The following C12orf42 variants were observed in gnomAD, a reference collection of about 807,000 sequenced individuals.
The protein encoded by C12orf42 is uncharacterized protein C12orf42.
In C12orf42, 25 loss-of-function variants were observed where a neutral mutation model predicts 21.6. The observed-to-expected ratio is 1.16, with a 90% CI of 0.84 to 1.62. C12orf42 has a LOEUF of 1.62. Ranked by LOEUF, C12orf42 falls within the 40% of genes most tolerant of loss-of-function variation. The pLI, the probability that C12orf42 is intolerant of heterozygous loss-of-function variation, is 0.00. For missense variants in C12orf42, 483 were observed against 459.3 expected, an observed-to-expected ratio of 1.05 and a Z score of -0.47; for synonymous variants, 174 against 175.0, an observed-to-expected ratio of 0.99 and a Z score of 0.05.
the C12orf42 span, among the ~76,000 whole-genome samples, chr12:103,142,261 AAGT>A: frequency 2.0e-5 from 3 of 152,212 alleles, no homozygotes; most frequent in Admixed American, 6.5e-5. Context: ...ATTTTGCCCA[AAGT>A]AGATTTTACT....
chr12:103,061,165 A>G, the C12orf42 span, among the ~76,000 whole-genome samples: 1 of 152,084 alleles, frequency 6.6e-6, no homozygotes, highest in South Asian at 2.1e-4. Context: ...TGGTGGAGGT[A>G]GGAGTGTCTC....
chr12:103,255,978 G>A (rs1353642457), intron 10 of C12orf42, among the ~76,000 whole-genome samples: 111 of 142,504 alleles, frequency 7.8e-4, no homozygotes, highest in African/African-American at 2.8e-3. Flanking sequence ...GCGTGAACCC[G>A]GGAGGTGGAG....
chr12:103,245,436 C>T (rs574599097), intron 10 of C12orf42, among the ~76,000 whole-genome samples: 3 of 152,034 alleles, frequency 2.0e-5, no homozygotes, highest in Non-Finnish European at 4.4e-5. Flanking sequence ...GGAGTAATCA[C>T]AGGCAAGTCA....
the C12orf42 span, chr12:103,505,040 A>G: frequency 1.5e-5 from 4 of 275,530 alleles, no homozygotes; most frequent in Admixed American, 7.5e-5. Flanking sequence ...AAGCTAGCGG[A>G]TGGAGTGGGA....
At chr12:103,556,907 G>C in the C12orf42 span, among the ~76,000 whole-genome samples, 1 of 149,590 alleles carries the variant, frequency 6.7e-6, no homozygotes, top group African/African-American at 2.5e-5. Context: ...GCCATCTAAA[G>C]ATGGATGCAG....
At chr12:103,442,572 C>T (rs1303747699) in intron 2 of C12orf42, among the ~76,000 whole-genome samples, 1 of 152,156 alleles carries the variant, frequency 6.6e-6, no homozygotes, top group African/African-American at 2.4e-5. Flanking sequence ...TCTGCCAGTT[C>T]CCTGTACATC....
the C12orf42 span, among the ~76,000 whole-genome samples, chr12:103,507,109 A>ATAATATATATATAT: frequency 1.3e-4 from 2 of 15,828 alleles, no homozygotes; most frequent in African/African-American, 8.0e-4. Flanking sequence ...TATATAATAT[A>ATAATATATATATAT]AATATATATT....
chr12:103,425,504 T>C (rs1949730375), intron 2 of C12orf42, among the ~76,000 whole-genome samples: 1 of 152,154 alleles, frequency 6.6e-6, no homozygotes, highest in South Asian at 2.1e-4. Flanking sequence ...GCAGCAATCT[T>C]TGCTGTTCTG....
intron 4 of C12orf42, among the ~76,000 whole-genome samples, chr12:103,289,723 A>T (rs2036678891): frequency 6.6e-6 from 1 of 152,262 alleles, no homozygotes; most frequent in South Asian, 2.1e-4. Flanking sequence ...GGGGGGAAAA[A>T]ACAGCTTATG....
At chr12:103,510,017 G>T in the C12orf42 span, among the ~76,000 whole-genome samples, 1 of 152,198 alleles carries the variant, frequency 6.6e-6, no homozygotes, top group African/African-American at 2.4e-5. Context: ...TCTACCCAGA[G>T]GAAAAGAAGT....
chr12:103,382,938 C>A (rs923929857), intron 3 of C12orf42, among the ~76,000 whole-genome samples: 31 of 152,138 alleles, frequency 2.0e-4, no homozygotes, highest in African/African-American at 7.2e-4. Context: ...AACAAACCAA[C>A]CTGGCATGGC....
rs529093310 is a variant in C12orf42 at position 103,335,481 on chromosome 12, C to T, written c.260-29136G>A. Among the ~76,000 whole-genome samples the T allele has an allele frequency of 3.2e-4, 49 of 152,288 alleles. 1 individual carries two copies. In the South Asian group the frequency reaches 8.3e-3, roughly 26 times the overall value. ...TGGTCAGAAATAAACATTTATTTAA[C>T]ATATATGGTGCAAGATAAAAATACC... On this transcript the variant is annotated intron_variant, in intron 4 of 5. Coordinates refer to ENST00000548883, the MANE Select transcript of C12orf42 (RefSeq NM_198521.5).
chr12:103,050,049 T>C, the C12orf42 span, among the ~76,000 whole-genome samples: 1 of 152,154 alleles, frequency 6.6e-6, no homozygotes, highest in Non-Finnish European at 1.5e-5. Context: ...GGAGAGACTT[T>C]GGTTATTTTG....
At chr12:103,302,673 G>C (rs948181616) in intron 5 of C12orf42, 114 bp from the exon 6 acceptor site, 4 of 796,420 alleles carry the variant, frequency 5.0e-6, no homozygotes, top group Non-Finnish European at 7.3e-6. Context: ...TGTGCTCAGA[G>C]GGGAAAGAAA....
intron 1 of C12orf42, among the ~76,000 whole-genome samples, chr12:103,488,406 G>T (rs1324571037): frequency 6.6e-6 from 1 of 152,046 alleles, no homozygotes; most frequent in African/African-American, 2.4e-5. Context: ...TTTCAACCTT[G>T]GTGAATCTGA....
intron 4 of C12orf42, among the ~76,000 whole-genome samples, chr12:103,284,486 A>C (rs2036320757): frequency 6.6e-6 from 1 of 152,208 alleles, no homozygotes; most frequent in Non-Finnish European, 1.5e-5. Context: ...TAGCAAAGAC[A>C]AGTCATCATC....
chr12:103,200,700 G>C, the C12orf42 span, among the ~76,000 whole-genome samples: 845 of 152,264 alleles, frequency 5.5e-3, 5 homozygotes, highest in African/African-American at 0.019. Flanking sequence ...AGTATAATTA[G>C]TTTTGTATGC....
intron 3 of C12orf42, among the ~76,000 whole-genome samples, chr12:103,371,102 A>G (rs1407856785): frequency 6.6e-6 from 1 of 152,130 alleles, no homozygotes; most frequent in Admixed American, 6.6e-5. Flanking sequence ...GATAGCATTA[A>G]CTTACTGAGT....
At chr12:103,171,211 C>G in the C12orf42 span, among the ~76,000 whole-genome samples, 1 of 152,116 alleles carries the variant, frequency 6.6e-6, no homozygotes, top group African/African-American at 2.4e-5. Flanking sequence ...TCCACTGACC[C>G]TGCACAATCT....
Sources: allele counts gnomAD v4.1 joint callset (sites outside exome capture counted in the v4.1 genomes callset), GRCh38; gene constraint gnomAD v4.1.1; transcripts MANE v1.5; gene names NCBI Gene and HGNC (gene_info 2026-07-23, HGNC 2026-07-21).